Variants in CELF2 observed in about 807,000 individuals in gnomAD.
CELF2 encodes the protein CUG triplet repeat RNA-binding protein 2.
Under a neutral mutation model 62.6 loss-of-function variants are expected in CELF2, and 8 were observed. The observed-to-expected ratio is 0.13, with a 90% CI of 0.07 to 0.23. CELF2 has a LOEUF of 0.23. Ranked by LOEUF, CELF2 falls within the 10% of genes least tolerant of loss-of-function variation. The probability of loss-of-function intolerance (pLI) is 1.00; values close to 1 mark genes in which losing one functional copy is unlikely to be tolerated. For missense variants in CELF2, 333 were observed against 671.0 expected, an observed-to-expected ratio of 0.50 and a Z score of 5.56; for synonymous variants, 258 against 250.0, an observed-to-expected ratio of 1.03 and a Z score of -0.30.
At chr10:10,495,405 A>C in the CELF2 span, among the ~76,000 whole-genome samples, 1 of 152,246 alleles carries the variant, frequency 6.6e-6, no homozygotes, top group African/African-American at 2.4e-5. Context: ...TGTGGACAGA[A>C]GAATGGCTGT....
intron 1 of CELF2, among the ~76,000 whole-genome samples, chr10:11,158,622 C>G (rs1057108596): frequency 3.9e-5 from 6 of 152,134 alleles, no homozygotes; most frequent in Non-Finnish European, 5.9e-5. Context: ...TCCAAATTTA[C>G]TTCTTTGTGG....
intron 2 of CELF2, among the ~76,000 whole-genome samples, chr10:10,992,188 T>C (rs1354810913): frequency 1.3e-5 from 2 of 152,216 alleles, no homozygotes; most frequent in East Asian, 1.9e-4. Context: ...CTTACACTTA[T>C]GAATCTACAG....
At chr10:11,286,145 G>A (rs888689415) in intron 8 of CELF2, among the ~76,000 whole-genome samples, 1 of 152,222 alleles carries the variant, frequency 6.6e-6, no homozygotes, top group African/African-American at 2.4e-5. Context: ...CCATGGCTGT[G>A]AGGCCTTGGC....
At chr10:10,659,113 A>G in the CELF2 span, among the ~76,000 whole-genome samples, 1 of 152,214 alleles carries the variant, frequency 6.6e-6, no homozygotes, top group Non-Finnish European at 1.5e-5. Context: ...AATGCTGTTC[A>G]AATTGCTTTA....
chr10:11,050,644 C>T (rs1451956264), intron 1 of CELF2, among the ~76,000 whole-genome samples: 6 of 152,186 alleles, frequency 3.9e-5, no homozygotes, highest in African/African-American at 1.4e-4. Flanking sequence ...CGTGATCTCC[C>T]ATCAGTCCCT....
chr10:11,190,008 G>A (rs1005931140), intron 2 of CELF2, among the ~76,000 whole-genome samples: 1 of 152,004 alleles, frequency 6.6e-6, no homozygotes, highest in Non-Finnish European at 1.5e-5. Flanking sequence ...CTTTGTTCAG[G>A]TTCTCCATTT....
At chr10:11,173,061 A>G (rs2069498875) in intron 2 of CELF2, among the ~76,000 whole-genome samples, 1 of 78,934 alleles carries the variant, frequency 1.3e-5, no homozygotes, top group Non-Finnish European at 2.7e-5. Context: ...GTGCATGTCT[A>G]GGCTGCCTGT....
Position 11,033,215 on chromosome 10 carries a change from A to T in CELF2, c.74+15052A>T, listed in dbSNP as rs147276430. 5.0e-3 allele frequency among the ~76,000 whole-genome samples: 758 copies of T among 151,682 alleles called. 8 individuals carry two copies. The highest frequency in any genetic ancestry group is 0.017 in the African/African-American group (687 of 41,268). The stretch of plus-strand genomic sequence containing the variant: ...GCAACTCAATTTGTACATCTCATGA[A>T]TTCTTTCTGTGAATCACAAATACTG... On this transcript the variant is annotated intron_variant, in intron 1 of 12. Transcript: ENST00000633077.
At chr10:10,539,274 A>G in the CELF2 span, among the ~76,000 whole-genome samples, 6 of 152,358 alleles carry the variant, frequency 3.9e-5, no homozygotes, top group East Asian at 1.2e-3. Context: ...AGCAAAAGGG[A>G]TAATTTAGGT....
At chr10:10,783,465 A>C in the CELF2 span, among the ~76,000 whole-genome samples, 1 of 152,192 alleles carries the variant, frequency 6.6e-6, no homozygotes, top group East Asian at 1.9e-4. Flanking sequence ...CAGCCTCAGA[A>C]GGAACCAACC....
chr10:10,638,642 G>T, the CELF2 span, among the ~76,000 whole-genome samples: 4 of 152,214 alleles, frequency 2.6e-5, no homozygotes, highest in African/African-American at 9.6e-5. Flanking sequence ...AGATGTGGGT[G>T]CTTACTAAAG....
chr10:10,683,404 T>A, the CELF2 span, among the ~76,000 whole-genome samples: 1 of 152,222 alleles, frequency 6.6e-6, no homozygotes, highest in East Asian at 1.9e-4. Context: ...TTTTCATGCT[T>A]GTGTTTTCCA....
intron 2 of CELF2, among the ~76,000 whole-genome samples, chr10:10,941,534 G>A (rs781715477): frequency 7.2e-5 from 11 of 152,166 alleles, no homozygotes; most frequent in Admixed American, 2.0e-4. Flanking sequence ...TGCTAACGCT[G>A]CACTTGGATC....
the CELF2 span, among the ~76,000 whole-genome samples, chr10:10,515,946 G>A: frequency 4.6e-5 from 7 of 152,134 alleles, no homozygotes; most frequent in South Asian, 4.1e-4. Flanking sequence ...ATAATGGTGC[G>A]TTTAAAATCC....
chr10:11,054,862 C>T (rs1594180880), intron 1 of CELF2, among the ~76,000 whole-genome samples: 1 of 152,066 alleles, frequency 6.6e-6, no homozygotes, highest in Non-Finnish European at 1.5e-5. Flanking sequence ...TTACAGGCGG[C>T]CGCCACCAAT....
chr10:11,231,809 T>C (rs1322172627), intron 3 of CELF2, among the ~76,000 whole-genome samples: 1 of 151,542 alleles, frequency 6.6e-6, no homozygotes, highest in Non-Finnish European at 1.5e-5. Flanking sequence ...TGATCCTGTC[T>C]CTTCTCTTTC....
chr10:10,545,384 G>T, the CELF2 span, among the ~76,000 whole-genome samples: 1 of 152,088 alleles, frequency 6.6e-6, no homozygotes, highest in Non-Finnish European at 1.5e-5. Context: ...CCCGTCACTG[G>T]ATTAACTGGA....
intron 1 of CELF2, among the ~76,000 whole-genome samples, chr10:11,078,766 A>G (rs1001791311): frequency 6.6e-6 from 1 of 152,154 alleles, no homozygotes; most frequent in African/African-American, 2.4e-5. Flanking sequence ...CTTACCTATT[A>G]CATATTCTTG....
At chr10:10,933,739 C>G (rs1310132544) in intron 2 of CELF2, among the ~76,000 whole-genome samples, 1 of 152,158 alleles carries the variant, frequency 6.6e-6, no homozygotes, top group Non-Finnish European at 1.5e-5. Flanking sequence ...ACATAATGCT[C>G]TCCAAGTTCA....
Sources: gnomAD v4.1 joint callset for allele counts (sites outside exome capture counted in the v4.1 genomes callset) on GRCh38, gnomAD v4.1.1 for gene constraint, MANE v1.5 for transcripts, NCBI Gene and HGNC (gene_info 2026-07-23, HGNC 2026-07-21) for gene names.